TMEM260: variants seen among roughly 807,000 people sequenced by gnomAD.
The protein encoded by TMEM260 is protein O-mannosyl-transferase TMEM260.
A neutral mutation model predicts 88.9 loss-of-function variants in TMEM260; 82 were observed. That is an observed-to-expected ratio of 0.92 (90% confidence interval 0.77 to 1.11). TMEM260 has a LOEUF of 1.11. Among genes scored for constraint, TMEM260 ranks in the 50% least tolerant of loss-of-function variants. TMEM260 has a pLI of 0.00. For synonymous variants in TMEM260, 314 were observed against 309.3 expected, an observed-to-expected ratio of 1.02 and a Z score of -0.16; for missense variants, 902 against 853.4, an observed-to-expected ratio of 1.06 and a Z score of -0.71.
In TMEM260 at chr14:56,624,844, G is replaced by A. The variant is rs541787242; in HGVS notation, c.1399-538G>A. ...CCCAACCTTTTTTACACCAGGGACCGGTTTTGTGAAGGACAGTATTTCCAC... is the reference window on the plus strand; with the variant it reads ...CCCAACCTTTTTTACACCAGGGACCAGTTTTGTGAAGGACAGTATTTCCAC... On this transcript the variant is annotated intron_variant, in intron 11 of 15. Coordinates refer to ENST00000261556, the MANE Select transcript of TMEM260 (RefSeq NM_017799.4). Among the ~76,000 whole-genome samples, 11 of 151,374 alleles carry A rather than the reference G, an allele frequency of 7.3e-5. 1 individual carries two copies. The South Asian group carries it at 8.5e-4, about 12-fold the overall frequency.
intron 3 of TMEM260, among the ~76,000 whole-genome samples, chr14:56,598,996 C>G (rs1378332492): frequency 6.6e-6 from 1 of 152,184 alleles, no homozygotes; most frequent in Non-Finnish European, 1.5e-5. Context: ...CTGGCCTGTT[C>G]CATCCACTAA....
At chr14:56,634,478 TGTCA>T (rs932321457) in intron 13 of TMEM260, among the ~76,000 whole-genome samples, 7 of 152,212 alleles carry the variant, frequency 4.6e-5, no homozygotes, top group Non-Finnish European at 5.9e-5. Context: ...ATTTGATCAC[TGTCA>T]GTATTTCAAG....
At chr14:56,643,174 T>G (rs890743365) in intron 15 of TMEM260, among the ~76,000 whole-genome samples, 4 of 152,216 alleles carry the variant, frequency 2.6e-5, no homozygotes, top group Non-Finnish European at 4.4e-5. Flanking sequence ...GAGGCCAGCA[T>G]CATCCTGATA....
chr14:56,633,427 C>T, intron 13 of TMEM260: 2 of 296,486 alleles, frequency 6.7e-6, no homozygotes, highest in East Asian at 1.3e-4. Flanking sequence ...TGCATGGCAC[C>T]TTCTACTTCC....
At chr14:56,623,754 C>T (rs2139603641) in intron 11 of TMEM260, among the ~76,000 whole-genome samples, 1 of 152,120 alleles carries the variant, frequency 6.6e-6, no homozygotes, top group African/African-American at 2.4e-5. Context: ...GGTAATAAAG[C>T]CTAATTCAGT....
chr14:56,632,952 CTTTAAAT>C (rs1463788193), intron 12 of TMEM260, 36 bp from the exon 13 acceptor site: 1 of 1,519,858 alleles, frequency 6.6e-7, no homozygotes, highest in East Asian at 2.3e-5. Flanking sequence ...ACATTTAAAA[CTTTAAAT>C]TTTAAGTACA....
chr14:56,585,966 C>T, intron 3 of TMEM260, 54 bp downstream of exon 3: 1 of 1,574,986 alleles, frequency 6.3e-7, no homozygotes, highest in Non-Finnish European at 8.6e-7. Context: ...ATGTAGATTT[C>T]TTATGGCTCA....
chr14:56,579,627 A>G (rs1052778387), upstream of TMEM260: 28 of 343,936 alleles, frequency 8.1e-5, no homozygotes, highest in African/African-American at 5.3e-4. Flanking sequence ...CTTGCTTTTT[A>G]AAGGGAATGC....
chr14:56,653,736 C>CAAAAAAAAAAAA (rs10522889), downstream of TMEM260, among the ~76,000 whole-genome samples: 8 of 66,518 alleles, frequency 1.2e-4, no homozygotes, highest in Admixed American at 2.3e-4. Flanking sequence ...CTCTTGTCTC[C>CAAAAAAAAAAAA]AAAACAAAAA....
the TMEM260 span, among the ~76,000 whole-genome samples, chr14:56,662,241 C>T: frequency 8.5e-5 from 13 of 152,274 alleles, no homozygotes; most frequent in Non-Finnish European, 1.3e-4. Context: ...CAACTACTCC[C>T]GTGGTATATA....
At chr14:56,635,320 C>T (rs1429873050) in intron 14 of TMEM260, among the ~76,000 whole-genome samples, 1 of 152,158 alleles carries the variant, frequency 6.6e-6, no homozygotes, top group Non-Finnish European at 1.5e-5. Context: ...TACAACCTCG[C>T]CTCCATTTGT....
intron 13 of TMEM260, 57 bp from the exon 14 acceptor site, chr14:56,634,842 C>CAAAAAAA: frequency 7.5e-7 from 1 of 1,334,784 alleles, no homozygotes; most frequent in Non-Finnish European, 1.0e-6. Context: ...AATTCTGTCT[C>CAAAAAAA]AAAAAAAAAA....
chr14:56,661,528 G>A, the TMEM260 span, among the ~76,000 whole-genome samples: 2 of 133,216 alleles, frequency 1.5e-5, no homozygotes, highest in African/African-American at 2.9e-5. Context: ...GGGAGGGAAG[G>A]AGGAAAGGAG....
At chr14:56,616,133 A>T (rs1341844052) in intron 8 of TMEM260, 106 bp downstream of exon 8, 1 of 736,942 alleles carries the variant, frequency 1.4e-6, no homozygotes, top group Non-Finnish European at 2.3e-6. Flanking sequence ...TTATACTCCA[A>T]ATAAATGACT....
chr14:56,629,613 C>A (rs546401198), intron 12 of TMEM260, among the ~76,000 whole-genome samples: 1 of 152,272 alleles, frequency 6.6e-6, no homozygotes, highest in East Asian at 1.9e-4. Context: ...TTCTTTTAAA[C>A]CAAAACTATT....
At chr14:56,622,859 C>T (rs1888018409) in intron 11 of TMEM260, among the ~76,000 whole-genome samples, 1 of 152,138 alleles carries the variant, frequency 6.6e-6, no homozygotes, top group Admixed American at 6.6e-5. Context: ...TACAATTTTA[C>T]ATTTTTATAA....
At chr14:56,636,623 T>C (rs1594887875) in intron 15 of TMEM260, 25 bp downstream of exon 15, 1 of 1,591,726 alleles carries the variant, frequency 6.3e-7, no homozygotes, top group Non-Finnish European at 8.6e-7. Context: ...TATATGTAGA[T>C]ATAGATATAT....
chr14:56,617,652 A>G (rs139438090), intron 9 of TMEM260, among the ~76,000 whole-genome samples: 2 of 152,264 alleles, frequency 1.3e-5, no homozygotes, highest in African/African-American at 2.4e-5. Flanking sequence ...ATATTTCCTT[A>G]TTTCTTACCT....
chr14:56,634,060 G>T (rs899784789), intron 13 of TMEM260, among the ~76,000 whole-genome samples: 1 of 152,140 alleles, frequency 6.6e-6, no homozygotes, highest in Non-Finnish European at 1.5e-5. Flanking sequence ...ACTAGTACAC[G>T]TACATAACTT....
Sources: gnomAD v4.1 joint callset for allele counts (sites outside exome capture counted in the v4.1 genomes callset) on GRCh38, gnomAD v4.1.1 for gene constraint, MANE v1.5 for transcripts, NCBI Gene and HGNC (gene_info 2026-07-23, HGNC 2026-07-21) for gene names.